Variants in TRIM14 observed in about 807,000 individuals in gnomAD.
TRIM14 encodes the protein tripartite motif-containing protein 14.
TRIM14 carries 28 observed loss-of-function variants against 44.5 expected under a neutral mutation model. The observed-to-expected ratio is 0.63, with a 90% confidence interval of 0.47 to 0.86. The LOEUF is 0.86. Ranked by LOEUF, TRIM14 falls within the 40% of genes least tolerant of loss-of-function variation. The probability of loss-of-function intolerance (pLI) is 0.00; values close to 1 mark genes in which losing one functional copy is unlikely to be tolerated. For synonymous variants in TRIM14, 299 were observed against 269.2 expected, an observed-to-expected ratio of 1.11 and a Z score of -1.08; for missense variants, 607 against 611.1, an observed-to-expected ratio of 0.99 and a Z score of 0.07.
intron 5 of TRIM14, among the ~76,000 whole-genome samples, chr9:98,088,243 TTTG>T (rs1444800387): frequency 6.6e-6 from 1 of 152,244 alleles, no homozygotes; most frequent in Non-Finnish European, 1.5e-5. Flanking sequence ...TGCCGTGAAA[TTTG>T]TTGCCAATTA....
chr9:98,036,214 G>T, the TRIM14 span, among the ~76,000 whole-genome samples: 1 of 150,540 alleles, frequency 6.6e-6, no homozygotes, highest in African/African-American at 2.4e-5. Flanking sequence ...CAGAAAAAAA[G>T]AAAAAGAAAA....
intron 1 of TRIM14, among the ~76,000 whole-genome samples, chr9:98,118,090 G>C (rs548470708): frequency 1.3e-5 from 2 of 152,188 alleles, no homozygotes; most frequent in East Asian, 3.9e-4. Context: ...CTCACGATGG[G>C]GCTGAATTCA....
intron 2 of TRIM14, among the ~76,000 whole-genome samples, chr9:98,102,915 G>T (rs1187457763): frequency 1.3e-5 from 2 of 152,200 alleles, no homozygotes; most frequent in South Asian, 4.1e-4. Context: ...GGCTGGGCGC[G>T]GTGGCTCACG....
the TRIM14 span, among the ~76,000 whole-genome samples, chr9:98,063,528 C>T: frequency 6.6e-6 from 1 of 152,212 alleles, no homozygotes; most frequent in East Asian, 1.9e-4. Context: ...AGGTGTGAGC[C>T]ACTGTGCCTG....
downstream of TRIM14, chr9:98,081,206 C>A: frequency 9.1e-6 from 12 of 1,323,506 alleles, no homozygotes; most frequent in Non-Finnish European, 1.2e-5. Context: ...AGTGAATGTG[C>A]TCCCACCCGT....
chr9:98,061,765 C>G, the TRIM14 span, among the ~76,000 whole-genome samples: 6 of 145,262 alleles, frequency 4.1e-5, no homozygotes, highest in African/African-American at 1.3e-4. Flanking sequence ...GGTGATAGAG[C>G]AAGATTCCGT....
At chr9:98,047,727 C>T in the TRIM14 span, among the ~76,000 whole-genome samples, 2 of 152,026 alleles carry the variant, frequency 1.3e-5, no homozygotes, top group Non-Finnish European at 2.9e-5. Context: ...ATTCTCAGCT[C>T]TTTGCATGTT....
At chr9:98,063,341 A>G in the TRIM14 span, among the ~76,000 whole-genome samples, 13 of 151,994 alleles carry the variant, frequency 8.6e-5, no homozygotes, top group African/African-American at 2.9e-4. Context: ...TCCCAGGTTC[A>G]AGTTATTCTC....
chr9:98,090,666 C>T (rs187060875), intron 5 of TRIM14, among the ~76,000 whole-genome samples: 2 of 150,556 alleles, frequency 1.3e-5, no homozygotes, highest in African/African-American at 2.4e-5. Flanking sequence ...CGGGTTCAAG[C>T]GATTCTCCTG....
At chr9:98,081,208 C>G (rs768780834), downstream of TRIM14, 520 of 1,300,508 alleles carry the variant, frequency 4.0e-4, no homozygotes, top group Admixed American at 7.1e-4. Context: ...TGAATGTGCT[C>G]CCACCCGTGT....
chr9:98,087,767 A>C lies in TRIM14; in HGVS notation c.1032T>G (p.Leu344=). ...CGGCGGCCGAGGCCCCGCGGCGCCG[A>C]AGGGAGGCGTAGGCCGCGCCCACCC... ...GWWVGAAYAS[L]RRRGASAAAR... is the part of the protein sequence containing the mutation. The change falls in exon 6 of 6, where the codon CTT becomes CTG. Residue 344 remains leucine, a synonymous_variant. Transcript: ENST00000341469. The C allele has an allele frequency of 6.5e-7, 1 of 1,532,038 alleles. No individual in the cohort carries two copies. Among genetic ancestry groups the C allele is most frequent in the African/African-American group, 1.4e-5 (1 of 71,230 alleles). 94.9% of individuals were successfully genotyped at this position (1,532,038 alleles called of 1,614,324 possible).
chr9:98,059,355 G>A, the TRIM14 span, among the ~76,000 whole-genome samples: 1 of 152,152 alleles, frequency 6.6e-6, no homozygotes, highest in Non-Finnish European at 1.5e-5. Context: ...GAATACCTCT[G>A]TGTCTACAGA....
At chr9:98,080,824 G>A, downstream of TRIM14, 1 of 1,577,992 alleles carries the variant, frequency 6.3e-7, no homozygotes, top group Non-Finnish European at 8.6e-7. Context: ...AGGAATATCA[G>A]AAGCTCTTTC....
the TRIM14 span, chr9:98,061,303 C>G: frequency 6.6e-6 from 2 of 304,242 alleles, no homozygotes; most frequent in South Asian, 7.9e-5. Context: ...ATGGTGAAAC[C>G]CCATCTCTAC....
the TRIM14 span, among the ~76,000 whole-genome samples, chr9:98,040,806 G>A: frequency 2.0e-5 from 3 of 152,094 alleles, no homozygotes; most frequent in South Asian, 2.1e-4. Context: ...ACAGGTGCCC[G>A]ACATCACGCC....
chr9:98,110,755 C>T (rs973774335), intron 1 of TRIM14, among the ~76,000 whole-genome samples: 1 of 151,758 alleles, frequency 6.6e-6, no homozygotes, highest in East Asian at 1.9e-4. Flanking sequence ...TCTGTAATCC[C>T]AACACTTTGG....
At chr9:98,048,479 T>C in the TRIM14 span, among the ~76,000 whole-genome samples, 1 of 152,198 alleles carries the variant, frequency 6.6e-6, no homozygotes, top group African/African-American at 2.4e-5. Flanking sequence ...GTGCGTGTGA[T>C]GTTTATATAA....
At chr9:98,080,083 G>A (rs533576039), downstream of TRIM14, among the ~76,000 whole-genome samples, 1 of 152,236 alleles carries the variant, frequency 6.6e-6, no homozygotes, top group South Asian at 2.1e-4. Context: ...GCGTGGTGGC[G>A]GGCACCCATA....
At chr9:98,104,023 A>G (rs141887402) in intron 2 of TRIM14, among the ~76,000 whole-genome samples, 70 of 152,136 alleles carry the variant, frequency 4.6e-4, no homozygotes, top group African/African-American at 1.6e-3. Flanking sequence ...AGTTCTCTAA[A>G]TCTGTGTTTC....
Sources: allele counts gnomAD v4.1 joint callset (sites outside exome capture counted in the v4.1 genomes callset), GRCh38; gene constraint gnomAD v4.1.1; transcripts MANE v1.5; gene names NCBI Gene and HGNC (gene_info 2026-07-23, HGNC 2026-07-21).